KIF21A: variants seen among roughly 807,000 people sequenced by gnomAD.
KIF21A encodes kinesin-like protein KIF21A.
A neutral mutation model predicts 202.9 loss-of-function variants in KIF21A; 114 were observed. That is an observed-to-expected ratio of 0.56 (90% confidence interval 0.48 to 0.66). The LOEUF (loss-of-function observed/expected upper bound fraction) is 0.66. Among genes scored for constraint, KIF21A ranks in the 30% least tolerant of loss-of-function variants. KIF21A has a pLI of 0.00. For missense variants in KIF21A, 1,677 were observed against 1,994.9 expected (o/e 0.84, Z 3.04); for synonymous variants, 667 against 670.8 (o/e 0.99, Z 0.09).
chr12:39,297,503 C>T (rs948876795), intron 37 of KIF21A, among the ~76,000 whole-genome samples: 44 of 148,456 alleles, frequency 3.0e-4, no homozygotes, highest in Non-Finnish European at 4.2e-4. Context: ...AACCAAACAC[C>T]GCATATTCTC....
chr12:39,332,840 T>C, intron 19 of KIF21A, 53 bp downstream of exon 19: 1 of 1,605,264 alleles, frequency 6.2e-7, no homozygotes, highest in Non-Finnish European at 8.5e-7. Flanking sequence ...AAGTACAACA[T>C]TCAGTATTAA....
intron 1 of KIF21A, among the ~76,000 whole-genome samples, chr12:39,428,831 G>A (rs1954961956): frequency 6.6e-6 from 1 of 152,010 alleles, no homozygotes. Flanking sequence ...GGTGGCGTAT[G>A]CCTGTAATCC....
intron 34 of KIF21A, among the ~76,000 whole-genome samples, chr12:39,307,291 T>G (rs766736977): frequency 6.6e-6 from 1 of 152,172 alleles, no homozygotes; most frequent in Non-Finnish European, 1.5e-5. Flanking sequence ...CAACATGACT[T>G]GTAGGCAAAT....
chr12:39,345,980 G>T (rs1947856415), intron 12 of KIF21A, among the ~76,000 whole-genome samples: 1 of 151,732 alleles, frequency 6.6e-6, no homozygotes, highest in East Asian at 1.9e-4. Flanking sequence ...TTTGTTTGTT[G>T]TCATTTTAAT....
At chr12:39,424,463 T>TATCTTCAGACCAGA (rs1954590826) in intron 1 of KIF21A, among the ~76,000 whole-genome samples, 2 of 152,228 alleles carry the variant, frequency 1.3e-5, no homozygotes, top group South Asian at 4.1e-4. Context: ...CTCAAAAGTT[T>TATCTTCAGACCAGA]ATCTTCAGAC....
chr12:39,387,829 C>T (rs1399618948), intron 1 of KIF21A, among the ~76,000 whole-genome samples: 1 of 152,142 alleles, frequency 6.6e-6, no homozygotes, highest in African/African-American at 2.4e-5. Flanking sequence ...AGTAGAGATG[C>T]TCCATGGATG....
intron 31 of KIF21A, 132 bp from the exon 32 acceptor site, chr12:39,311,685 C>T (rs879307967): frequency 2.5e-5 from 22 of 865,614 alleles, no homozygotes; most frequent in Non-Finnish European, 3.9e-5. Flanking sequence ...ATCCAGACTG[C>T]TCTCTTTTAA....
chr12:39,355,710 T>TAC (rs1565930832), intron 10 of KIF21A, among the ~76,000 whole-genome samples: 6 of 72,204 alleles, frequency 8.3e-5, no homozygotes, highest in African/African-American at 2.3e-4. Context: ...TGAACAATTA[T>TAC]ATATATATAT....
At chr12:39,381,370 A>G (rs926220192) in intron 1 of KIF21A, among the ~76,000 whole-genome samples, 6 of 152,004 alleles carry the variant, frequency 3.9e-5, no homozygotes, top group African/African-American at 1.4e-4. Flanking sequence ...CTATAATGAT[A>G]GTAATACATC....
At chr12:39,347,961 A>G (rs1485399841) in intron 11 of KIF21A, among the ~76,000 whole-genome samples, 1 of 152,076 alleles carries the variant, frequency 6.6e-6, no homozygotes, top group Non-Finnish European at 1.5e-5. Context: ...CGCCTATACT[A>G]ATGATAACGA....
chr12:39,436,448 A>ATATATATATAT lies in KIF21A; in HGVS notation c.44+6478_44+6479insATATATATATA, dbSNP rs1387332677. Among the ~76,000 whole-genome samples, 118 of 95,748 alleles carry ATATATATATAT rather than the reference A, an allele frequency of 1.2e-3. 1 individual carries two copies. Among genetic ancestry groups the ATATATATATAT allele is most frequent in the African/African-American group, 5.3e-3 (105 of 19,750 alleles). The allele number at this position is 95,748 out of a possible 152,430, so 62.8% of individuals were successfully genotyped here. Reference sequence around the variant, plus strand: ...TATATATATATATATATATATATATATTTTTTTTTTTTTTAGACAGGGTTT... The same window carrying ATATATATATAT: ...TATATATATATATATATATATATATATATATATATATTTTTTTTTTTTTTTAGACAGGGTTT... On this transcript the variant is annotated intron_variant, in intron 1 of 37. Coordinates refer to ENST00000361418, the MANE Select transcript of KIF21A (RefSeq NM_001173464.2).
intron 1 of KIF21A, among the ~76,000 whole-genome samples, chr12:39,371,827 G>A (rs1407586249): frequency 1.3e-5 from 2 of 151,854 alleles, no homozygotes; most frequent in Non-Finnish European, 2.9e-5. Context: ...TACTCAAGAG[G>A]CAGAGGCAGG....
Position 39,340,254 on chromosome 12 carries a change from C to T in KIF21A, c.2221G>A (p.Glu741Lys). ...ELQRLQAAQK[E>K]HARLLKNQSQ... ...TGATTTTTAAGCAACCTTGCATGTT[C>T]TTTTTGAGCTGCTTGAAGTCTCTGC... is the stretch of plus-strand genomic sequence containing the variant. Residue 741 changes from glutamate (E) to lysine (K), a missense_variant, in exon 16 of 38, where the codon GAA (glutamate) becomes AAA (lysine). By Grantham distance (56) the Glu-to-Lys change is moderately conservative. Coordinates refer to ENST00000361418, the MANE Select transcript of KIF21A (RefSeq NM_001173464.2). The T allele has an allele frequency of 6.2e-7, 1 of 1,613,130 alleles. No individual in the cohort carries two copies. Among genetic ancestry groups the T allele is most frequent in the Non-Finnish European group, 8.5e-7 (1 of 1,179,584 alleles).
intron 28 of KIF21A, among the ~76,000 whole-genome samples, chr12:39,318,786 C>G (rs543952870): frequency 1.2e-4 from 19 of 152,216 alleles, no homozygotes; most frequent in African/African-American, 4.3e-4. Flanking sequence ...TGAGAGCATC[C>G]TGGCTAACAT....
At chr12:39,322,921 C>T (rs755362619) in intron 26 of KIF21A, 39 bp from the exon 27 acceptor site, 1 of 1,342,048 alleles carries the variant, frequency 7.5e-7, no homozygotes, top group Admixed American at 2.1e-5. Flanking sequence ...CAGGAGCAAA[C>T]TCTTGCATAG....
At chr12:39,410,291 A>G (rs1952980304) in intron 1 of KIF21A, among the ~76,000 whole-genome samples, 1 of 152,240 alleles carries the variant, frequency 6.6e-6, no homozygotes, top group Non-Finnish European at 1.5e-5. Context: ...GACCTCCAGA[A>G]CTATAAGATA....
intron 1 of KIF21A, among the ~76,000 whole-genome samples, chr12:39,436,450 T>TATATATATATATATATATATATATATATA (rs1424166622): frequency 1.6e-5 from 1 of 60,836 alleles, no homozygotes; most frequent in Non-Finnish European, 2.9e-5. Flanking sequence ...ATATATATAT[T>TATATATATATATATATATATATATATATA]TTTTTTTTTT....
At chr12:39,343,279 G>A (rs1947601153) in intron 12 of KIF21A, among the ~76,000 whole-genome samples, 1 of 152,054 alleles carries the variant, frequency 6.6e-6, no homozygotes, top group Admixed American at 6.6e-5. Context: ...AGAATCGCTT[G>A]AACCCGGGAG....
In KIF21A at chr12:39,340,946, C is replaced by T; in HGVS notation, c.2070G>A (p.Arg690=). 1 of 1,613,002 alleles carries T rather than the reference C, an allele frequency of 6.2e-7. No individual in the cohort carries two copies. The highest frequency in any genetic ancestry group is 8.5e-7 in the Non-Finnish European group (1 of 1,179,438). ...CCTGGTCTCTTTCAAGCTGAGTATC[C>T]CGAATTTTATGTTGCAGCATCATTA... ...EKLMMLQHKI[R]DTQLERDQVL... Residue 690 remains arginine, a synonymous_variant, in exon 15 of 38, where the codon CGG becomes CGA. Transcript: ENST00000361418.
Sources: gnomAD v4.1 joint callset for allele counts (sites outside exome capture counted in the v4.1 genomes callset) on GRCh38, gnomAD v4.1.1 for gene constraint, MANE v1.5 for transcripts, NCBI Gene and HGNC (gene_info 2026-07-23, HGNC 2026-07-21) for gene names.